HECTD4: variants seen among roughly 807,000 people sequenced by gnomAD.
The protein encoded by HECTD4 is probable E3 ubiquitin-protein ligase HECTD4.
Under a neutral mutation model 471.5 loss-of-function variants are expected in HECTD4, and 114 were observed. That is an observed-to-expected ratio of 0.24 (90% confidence interval 0.21 to 0.28). HECTD4 has a LOEUF of 0.28. HECTD4 is among the 10% of genes least tolerant of loss of function. The probability of loss-of-function intolerance (pLI) is 1.00; values close to 1 mark genes in which losing one functional copy is unlikely to be tolerated. For missense variants in HECTD4, 3,866 were observed against 5,651.5 expected (o/e 0.68, Z 10.13); for synonymous variants, 2,012 against 2,256.0 (o/e 0.89, Z 3.07).
At chr12:112,252,968 C>T (rs1003132344) in intron 22 of HECTD4, among the ~76,000 whole-genome samples, 1 of 151,942 alleles carries the variant, frequency 6.6e-6, no homozygotes, top group Non-Finnish European at 1.5e-5. Flanking sequence ...CAGAACCATG[C>T]CCAGCTAATT....
intron 16 of HECTD4, 39 bp downstream of exon 16, chr12:112,265,136 T>G: frequency 6.5e-7 from 1 of 1,545,684 alleles, no homozygotes; most frequent in Non-Finnish European, 8.8e-7. Context: ...CAGGGATGCT[T>G]GATATAATTT....
Position 112,226,644 on chromosome 12 carries a change from A to G in HECTD4, c.6969T>C (p.Ala2323=). The change falls in exon 44 of 76, where the codon GCT becomes GCC. Residue 2323 remains alanine (A), a splice_region_variant and synonymous_variant. Coordinates refer to ENST00000682272, the MANE Select transcript of HECTD4 (RefSeq NM_001388303.1). ...VLNLVAQECS[A]GERLAVVEVQ... ...GGTAAGGCAAGTTCAGGTACTCACC[A>G]GCACTACATTCCTGGGCTACTAGGT... The G allele has an allele frequency of 6.3e-7, 1 of 1,598,682 alleles. No homozygotes were observed. The highest frequency in any genetic ancestry group is 1.3e-5 in the African/African-American group (1 of 74,850).
At chr12:112,178,762 C>T (rs2031555642) in intron 64 of HECTD4, among the ~76,000 whole-genome samples, 169 bp downstream of exon 64, 1 of 152,198 alleles carries the variant, frequency 6.6e-6, no homozygotes, top group African/African-American at 2.4e-5. Flanking sequence ...AGCCCGGCTG[C>T]AGTGAGCTGT....
At chr12:112,258,887 T>G in intron 19 of HECTD4, 2 of 577,544 alleles carry the variant, frequency 3.5e-6, no homozygotes, top group East Asian at 3.0e-5. Flanking sequence ...TGATCAGCCA[T>G]GAACACTTGC....
Position 112,231,068 on chromosome 12 carries a change from C to T in HECTD4, c.6201-246G>A, listed in dbSNP as rs181720243. 1.0e-5 allele frequency: 5 copies of T among 494,538 alleles called. No homozygotes were observed. In the Admixed American group the frequency reaches 1.5e-4, roughly 14 times the overall value. The allele number at this position is 494,538 out of a possible 1,614,324, so 30.6% of individuals were successfully genotyped here. A position where few individuals can be genotyped will look rare whatever the true frequency, so the allele number is the denominator to read the frequency against. The stretch of plus-strand genomic sequence containing the variant: ...AACTTTATTTATAAGCCATGAGGAT[C>T]AGGGAAAGACACTGCATTGCAACTA... On this transcript the variant is annotated intron_variant, in intron 39 of 75. Transcript: ENST00000682272.
At chr12:112,308,343 A>C (rs575226184) in intron 6 of HECTD4, among the ~76,000 whole-genome samples, 19 of 152,026 alleles carry the variant, frequency 1.2e-4, no homozygotes, top group African/African-American at 3.1e-4. Flanking sequence ...CTCTACACTC[A>C]TTTCAAAGCT....
In HECTD4 at chr12:112,167,000, T is replaced by C. The variant is rs1566057532; in HGVS notation, c.12534+317A>G. On this transcript the variant is annotated intron_variant, in intron 72 of 75. Transcript: ENST00000682272. This position sits in a 1 kb window ranked among gnomAD's most constrained non-coding sequence, Gnocchi z 4.6. ...TGAAAAAACTCTTAACCTTCACCCC[T>C]ACAGCTGTTCTCCCAGTGCCTGTTC... The C allele has an allele frequency of 7.5e-6, 2 of 266,936 alleles. No individual in the cohort carries two copies. The highest frequency in any genetic ancestry group is 1.4e-5 in the Non-Finnish European group (2 of 142,278). The allele number at this position is 266,936 out of a possible 1,614,324, so 16.5% of individuals were successfully genotyped here. A position where few individuals can be genotyped will look rare whatever the true frequency, so the allele number is the denominator to read the frequency against.
At position 112,203,871 on chromosome 12, in the gene HECTD4, T is replaced by C. The variant is rs538592963; in HGVS notation, c.8270-99A>G. On this transcript the variant is annotated intron_variant, in intron 53 of 75. Coordinates refer to ENST00000682272, the MANE Select transcript of HECTD4 (RefSeq NM_001388303.1). ...AATAGCTCTCCAGATAAACATAAAA[T>C]AATAAAATAAAATAAAATAAAATAG... The C allele has an allele frequency of 3.3e-4, 203 of 622,350 alleles. 4 individuals carry two copies. The South Asian group carries it at 7.4e-3, about 23-fold the overall frequency. The allele number at this position is 622,350 out of a possible 1,614,324, so 38.6% of individuals were successfully genotyped here. A position where few individuals can be genotyped will look rare whatever the true frequency, so the allele number is the denominator to read the frequency against.
At chr12:112,192,498 A>G (rs949000680) in intron 59 of HECTD4, 62 bp downstream of exon 59, 1 of 1,263,144 alleles carries the variant, frequency 7.9e-7, no homozygotes, top group Admixed American at 3.1e-5. Flanking sequence ...ATAGCTTCAA[A>G]AAGAAGGCAA....
At chr12:112,328,984 C>G (rs1266109606) in intron 1 of HECTD4, among the ~76,000 whole-genome samples, 2 of 152,188 alleles carry the variant, frequency 1.3e-5, no homozygotes, top group Non-Finnish European at 2.9e-5. Context: ...GCAGGATTGT[C>G]AGAATTGTGA....
intron 32 of HECTD4, among the ~76,000 whole-genome samples, chr12:112,242,629 G>C (rs1241636928): frequency 2.7e-5 from 4 of 148,924 alleles, no homozygotes; most frequent in Admixed American, 6.7e-5. Flanking sequence ...AAAAAAAAAG[G>C]CTGGGCACGG....
intron 1 of HECTD4, among the ~76,000 whole-genome samples, chr12:112,354,667 C>A (rs2036301190): frequency 6.6e-6 from 1 of 152,026 alleles, no homozygotes; most frequent in Non-Finnish European, 1.5e-5. Context: ...GCTTGGGCAA[C>A]AGAGCAGACT....
At chr12:112,178,339 T>C (rs891799611) in intron 64 of HECTD4, among the ~76,000 whole-genome samples, 2 of 152,224 alleles carry the variant, frequency 1.3e-5, no homozygotes, top group Non-Finnish European at 2.9e-5. Flanking sequence ...CTAATCTTTC[T>C]ACAATAACTA....
At chr12:112,330,133 C>T (rs550791509) in intron 1 of HECTD4, among the ~76,000 whole-genome samples, 9 of 151,932 alleles carry the variant, frequency 5.9e-5, no homozygotes, top group Non-Finnish European at 1.0e-4. Context: ...AAAAATTAGC[C>T]GGGCGTGGTG....
chr12:112,263,425 G>A (rs868279022), intron 17 of HECTD4, among the ~76,000 whole-genome samples: 6 of 152,054 alleles, frequency 3.9e-5, no homozygotes, highest in South Asian at 4.2e-4. Context: ...AAATTCTGAA[G>A]AACAATGCAA....
intron 39 of HECTD4, 127 bp from the exon 40 acceptor site, chr12:112,230,949 C>A: frequency 1.2e-6 from 1 of 824,834 alleles, no homozygotes. Flanking sequence ...ATTCCATTGA[C>A]CGAGAAAACA....
In HECTD4 at chr12:112,204,522, C is replaced by T. The variant is rs1391798490; in HGVS notation, c.8233G>A (p.Glu2745Lys). The change falls in exon 53 of 76, where the codon GAA (glutamate) becomes AAA (lysine). Residue 2745 changes from glutamate to lysine, a missense_variant. Physicochemically the swap from Glu to Lys is moderately conservative, Grantham distance 56. Around this residue, in one of 16 missense-constraint regions of HECTD4, gnomAD observed 266 missense variants for 441.6 expected, o/e 0.60. Coordinates refer to ENST00000682272, the MANE Select transcript of HECTD4 (RefSeq NM_001388303.1). Reference sequence around the variant, plus strand: ...TTATCAATTGTGAACTTGTTTGCTTCGTCTTTAATGTCTTCAATGGTGGGA... The same window carrying T: ...TTATCAATTGTGAACTTGTTTGCTTTGTCTTTAATGTCTTCAATGGTGGGA... ...YLPTIEDIKD[E>K]ANKFTIDKVR... 3 of 1,613,408 alleles carry T rather than the reference C, an allele frequency of 1.9e-6. No individual in the cohort carries two copies. The highest frequency in any genetic ancestry group is 2.2e-5 in the East Asian group (1 of 44,886).
At chr12:112,258,087 G>T (rs1032124490) in intron 20 of HECTD4, among the ~76,000 whole-genome samples, 3 of 152,026 alleles carry the variant, frequency 2.0e-5, no homozygotes, top group African/African-American at 7.3e-5. Flanking sequence ...TACTCATGAG[G>T]CTGAGACAGG....
At chr12:112,367,857 C>T (rs1344231691) in intron 1 of HECTD4, among the ~76,000 whole-genome samples, 3 of 136,136 alleles carry the variant, frequency 2.2e-5, no homozygotes, top group Admixed American at 1.6e-4. Context: ...AACGCTAACA[C>T]GTCATAGAGA....
Sources: gnomAD v4.1 joint callset for allele counts (sites outside exome capture counted in the v4.1 genomes callset) on GRCh38, gnomAD v4.1.1 for gene constraint, gnomAD v4.1.1 regional missense constraint, Gnocchi (gnomAD v3.1) non-coding constraint, MANE v1.5 for transcripts, NCBI Gene and HGNC (gene_info 2026-07-23, HGNC 2026-07-21) for gene names.